The following CTCF variants were observed in gnomAD, a reference collection of about 807,000 sequenced individuals.
CTCF encodes the protein transcriptional repressor CTCF.
Under a neutral mutation model 72.3 loss-of-function variants are expected in CTCF, and 7 were observed. That is an observed-to-expected ratio of 0.10 (90% CI 0.06 to 0.18). The LOEUF is 0.18. Ranked by LOEUF, CTCF falls within the 10% of genes least tolerant of loss-of-function variation. CTCF has a pLI of 1.00. For missense variants in CTCF, 516 were observed against 949.1 expected (o/e 0.54, Z 6.00); for synonymous variants, 374 against 315.8 (o/e 1.18, Z -1.95).
intron 2 of CTCF, among the ~76,000 whole-genome samples, chr16:67,602,095 C>T (rs1035083462): frequency 1.3e-5 from 2 of 152,078 alleles, no homozygotes; most frequent in African/African-American, 2.4e-5. Flanking sequence ...AACTCCTGAC[C>T]TCAGGTGATC....
chr16:67,589,339 A>T (rs995524157), intron 2 of CTCF, among the ~76,000 whole-genome samples: 1 of 152,066 alleles, frequency 6.6e-6, no homozygotes, highest in African/African-American at 2.4e-5. Context: ...TTAATTTGAG[A>T]TGGCTTAATA....
chr16:67,566,824 G>A (rs1270462920), intron 1 of CTCF, among the ~76,000 whole-genome samples: 2 of 152,018 alleles, frequency 1.3e-5, no homozygotes, highest in Non-Finnish European at 2.9e-5. Flanking sequence ...GCCCGCCTCC[G>A]CCTCTCAAAG....
At position 67,575,937 on chromosome 16, in the gene CTCF, C is replaced by T. The variant is rs1047813901; in HGVS notation, c.-10+4673C>T. ...TGTTGCAAGGGATATAAAACCCTAA[C>T]CCATTTAAAAAGATGAATGTCAGCC... On this transcript the variant is annotated intron_variant, in intron 2 of 11. Transcript: ENST00000264010. Among the ~76,000 whole-genome samples the T allele has an allele frequency of 2.7e-5, 4 of 150,150 alleles. No individual in the cohort carries two copies. In the Admixed American group the frequency reaches 2.7e-4, roughly 10 times the overall value.
chr16:67,617,551 G>A (rs1239553249), intron 5 of CTCF, among the ~76,000 whole-genome samples: 3 of 151,732 alleles, frequency 2.0e-5, no homozygotes, highest in Admixed American at 6.6e-5. Flanking sequence ...GCGTGGTGGT[G>A]CATGCCTGTA....
chr16:67,575,989 TAAAAA>T (rs35681914), intron 2 of CTCF, among the ~76,000 whole-genome samples: 9 of 114,138 alleles, frequency 7.9e-5, no homozygotes, highest in African/African-American at 3.0e-4. Flanking sequence ...ACCTTGTCTG[TAAAAA>T]AAAAAAAAAA....
At chr16:67,629,601 G>GTA in intron 10 of CTCF, 68 bp downstream of exon 10, 1 of 1,541,324 alleles carries the variant, frequency 6.5e-7, no homozygotes, top group East Asian at 2.3e-5. Context: ...GTGTGTTTAT[G>GTA]TATGGATATG....
Position 67,577,690 on chromosome 16 carries a change from G to A in CTCF, c.-10+6426G>A, listed in dbSNP as rs193142896. Among the ~76,000 whole-genome samples the A allele has an allele frequency of 1.1e-3, 162 of 151,634 alleles. 1 individual carries two copies. In the Middle Eastern group the frequency reaches 0.041, roughly 38 times the overall value. Reference sequence around the variant, plus strand: ...TCATCATCTCCTGACCTTGTGATCCGTCCACCTCGGCCTCCCAAAGTGCTG... The same window carrying A: ...TCATCATCTCCTGACCTTGTGATCCATCCACCTCGGCCTCCCAAAGTGCTG... On this transcript the variant is annotated intron_variant, in intron 2 of 11. Coordinates refer to ENST00000264010, the MANE Select transcript of CTCF (RefSeq NM_006565.4).
chr16:67,602,353 C>T (rs1303445450), intron 2 of CTCF, among the ~76,000 whole-genome samples: 1 of 152,146 alleles, frequency 6.6e-6, no homozygotes, highest in Non-Finnish European at 1.5e-5. Flanking sequence ...TATGTAGTGA[C>T]TCTGGCAGGG....
chr16:67,589,849 G>T (rs940223374), intron 2 of CTCF, among the ~76,000 whole-genome samples: 6 of 152,164 alleles, frequency 3.9e-5, no homozygotes, highest in Non-Finnish European at 8.8e-5. Flanking sequence ...CATTTGGGGA[G>T]ACCAAGATGG....
At chr16:67,628,261 T>C in intron 8 of CTCF, 109 bp from the exon 9 acceptor site, 1 of 946,514 alleles carries the variant, frequency 1.1e-6, no homozygotes, top group South Asian at 1.6e-5. Context: ...GTGTGGAGTC[T>C]AGACCTAGCT....
chr16:67,631,150 G>GTGTTTT (rs2052356545), intron 10 of CTCF, among the ~76,000 whole-genome samples: 1 of 132,534 alleles, frequency 7.5e-6, no homozygotes, highest in African/African-American at 3.2e-5. Flanking sequence ...TTTGTTCTTT[G>GTGTTTT]TTTGTTTTTT....
chr16:67,619,388 A>G (rs947009328), intron 5 of CTCF, among the ~76,000 whole-genome samples: 10 of 152,270 alleles, frequency 6.6e-5, no homozygotes, highest in East Asian at 3.9e-4. Flanking sequence ...GTGACCCACA[A>G]TCGTGACAGT....
intron 2 of CTCF, among the ~76,000 whole-genome samples, chr16:67,609,341 T>C (rs1243773200): frequency 6.6e-6 from 1 of 152,234 alleles, no homozygotes; most frequent in Non-Finnish European, 1.5e-5. Flanking sequence ...ATAATAGATC[T>C]CTTGAACTTA....
chr16:67,562,974 C>T (rs979311169), intron 1 of CTCF, among the ~76,000 whole-genome samples: 3 of 143,768 alleles, frequency 2.1e-5, no homozygotes, highest in Non-Finnish European at 3.1e-5. Context: ...CGCGCTAGGC[C>T]TCGGGCGGCG....
intron 10 of CTCF, 121 bp from the exon 11 acceptor site, chr16:67,636,569 G>GTATGTA (rs1555536719): frequency 2.0e-5 from 5 of 244,748 alleles, no homozygotes; most frequent in Non-Finnish European, 3.4e-5. Flanking sequence ...GAAAGAAAGT[G>GTATGTA]TATATATATA....
chr16:67,624,019 G>A (rs1363730569), intron 7 of CTCF, among the ~76,000 whole-genome samples: 2 of 147,234 alleles, frequency 1.4e-5, no homozygotes, highest in African/African-American at 2.5e-5. Flanking sequence ...CGGCACTCCA[G>A]CCTGGGCAAG....
chr16:67,598,953 A>G (rs931382934), intron 2 of CTCF, among the ~76,000 whole-genome samples: 5 of 152,274 alleles, frequency 3.3e-5, no homozygotes, highest in African/African-American at 9.6e-5. Flanking sequence ...AAGTAAGGAA[A>G]GAATTAGAGA....
At chr16:67,575,989 TAAA>T (rs35681914) in intron 2 of CTCF, among the ~76,000 whole-genome samples, 8 of 114,118 alleles carry the variant, frequency 7.0e-5, no homozygotes, top group Admixed American at 9.4e-5. Flanking sequence ...ACCTTGTCTG[TAAA>T]AAAAAAAAAA....
rs76300708 is a variant in CTCF, at chr16:67,619,593, G to C, written c.1087-1104G>C. On this transcript the variant is annotated intron_variant, in intron 5 of 11. Coordinates refer to ENST00000264010, the MANE Select transcript of CTCF (RefSeq NM_006565.4). ...AAACGCTTTTTGGAGCAGGGGGTGC[G>C]TGGCAGACAGGGTCTCTCACTCTGT... 3.7e-3 allele frequency among the ~76,000 whole-genome samples: 565 copies of C among 152,156 alleles called. 7 individuals are homozygous for C. Among genetic ancestry groups the C allele is most frequent in the African/African-American group, 0.013 (525 of 41,512 alleles).
Sources: allele counts gnomAD v4.1 joint callset (sites outside exome capture counted in the v4.1 genomes callset), GRCh38; gene constraint gnomAD v4.1.1; transcripts MANE v1.5; gene names NCBI Gene and HGNC (gene_info 2026-07-23, HGNC 2026-07-21).